SVIL: variants seen among roughly 807,000 people sequenced by gnomAD.
SVIL encodes the protein supervillin.
In SVIL, 101 loss-of-function variants were observed where a neutral mutation model predicts 240.4. The observed-to-expected ratio is 0.42, with a 90% CI of 0.36 to 0.50. The LOEUF (loss-of-function observed/expected upper bound fraction) is 0.50. Ranked by LOEUF, SVIL falls within the 20% of genes least tolerant of loss-of-function variation. SVIL has a pLI of 0.01. For missense variants in SVIL, 2,512 were observed against 2,818.7 expected (o/e 0.89, Z 2.46); for synonymous variants, 999 against 1,100.0 (o/e 0.91, Z 1.82).
intron 1 of SVIL, among the ~76,000 whole-genome samples, chr10:29,574,674 C>A (rs1044491890): frequency 4.6e-5 from 7 of 152,168 alleles, no homozygotes; most frequent in African/African-American, 1.7e-4. Context: ...CTCCCCAGGA[C>A]AACTCCCACA....
chr10:29,712,252 G>A (rs1310186772), intron 1 of SVIL, among the ~76,000 whole-genome samples: 1 of 152,192 alleles, frequency 6.6e-6, no homozygotes, highest in Non-Finnish European at 1.5e-5. Flanking sequence ...CTATGTTGGA[G>A]GCGGTGCCTA....
At chr10:29,464,779 C>T (rs1944696924) in intron 34 of SVIL, among the ~76,000 whole-genome samples, 1 of 148,824 alleles carries the variant, frequency 6.7e-6, no homozygotes, top group South Asian at 2.2e-4. Flanking sequence ...AGATGAGGTC[C>T]CTGGCTGCAG....
At chr10:29,587,139 A>G (rs532160859) in intron 1 of SVIL, among the ~76,000 whole-genome samples, 2 of 152,374 alleles carry the variant, frequency 1.3e-5, no homozygotes, top group African/African-American at 2.4e-5. Flanking sequence ...AAAGCCTCGT[A>G]CCATTCTGTC....
At chr10:29,472,998 G>A (rs1191190688) in intron 30 of SVIL, among the ~76,000 whole-genome samples, 1 of 152,124 alleles carries the variant, frequency 6.6e-6, no homozygotes, top group South Asian at 2.1e-4. Flanking sequence ...CTGTACACAG[G>A]GGTACATACG....
chr10:29,671,186 G>C (rs1291927540), intron 2 of SVIL: 1 of 152,118 alleles, frequency 6.6e-6, no homozygotes, highest in Non-Finnish European at 1.5e-5. Context: ...TTTCATTTTT[G>C]AGAAGTTTTA....
At chr10:29,693,466 G>T (rs1961676675) in intron 1 of SVIL, among the ~76,000 whole-genome samples, 1 of 152,178 alleles carries the variant, frequency 6.6e-6, no homozygotes, top group Non-Finnish European at 1.5e-5. Flanking sequence ...TCATTGGCTG[G>T]TTCTTCAAAT....
intron 1 of SVIL, among the ~76,000 whole-genome samples, chr10:29,703,211 T>G (rs1962649532): frequency 6.6e-6 from 1 of 152,240 alleles, no homozygotes; most frequent in Non-Finnish European, 1.5e-5. Context: ...TTTTCTCTGC[T>G]GTTTTTAAAG....
At chr10:29,685,664 T>C (rs1310618463) in intron 2 of SVIL, among the ~76,000 whole-genome samples, 2 of 152,222 alleles carry the variant, frequency 1.3e-5, no homozygotes, top group African/African-American at 4.8e-5. Flanking sequence ...ATTTCTCTAA[T>C]GATTAGTGAT....
intron 1 of SVIL, among the ~76,000 whole-genome samples, chr10:29,622,225 G>A (rs527434135): frequency 2.8e-5 from 4 of 140,624 alleles, no homozygotes; most frequent in Admixed American, 1.5e-4. Context: ...ACTCCAGCCT[G>A]GGCGACAGAG....
intron 33 of SVIL, among the ~76,000 whole-genome samples, chr10:29,466,268 A>G (rs1235289822): frequency 6.6e-6 from 1 of 151,856 alleles, no homozygotes; most frequent in Non-Finnish European, 1.5e-5. Context: ...CATATATTGT[A>G]TTTTATATAC....
At chr10:29,655,990 C>T (rs1302504264) in intron 3 of SVIL, among the ~76,000 whole-genome samples, 1 of 151,392 alleles carries the variant, frequency 6.6e-6, no homozygotes. Flanking sequence ...CCTGCCTCAG[C>T]CTCCCGAGTA....
intron 3 of SVIL, among the ~76,000 whole-genome samples, chr10:29,557,047 A>G (rs200804663): frequency 1.3e-5 from 2 of 151,990 alleles, no homozygotes; most frequent in East Asian, 3.9e-4. Context: ...TAGCATAATC[A>G]CATCCCCTCC....
At chr10:29,589,276 C>T (rs1956293953) in intron 1 of SVIL, among the ~76,000 whole-genome samples, 1 of 152,166 alleles carries the variant, frequency 6.6e-6, no homozygotes, top group Admixed American at 6.5e-5. Context: ...GGCCTCGACA[C>T]TGAAGCACTC....
chr10:29,498,184 G>A (rs1334181911), intron 18 of SVIL, among the ~76,000 whole-genome samples: 4 of 151,208 alleles, frequency 2.6e-5, no homozygotes, highest in Non-Finnish European at 5.9e-5. Context: ...TTGGGAGGTC[G>A]AAGCGGGTGG....
rs1951470176 is a variant in SVIL at position 29,532,814 on chromosome 10, T to C, written c.1553A>G (p.Tyr518Cys). Residue 518 changes from tyrosine to cysteine, a missense_variant, in exon 8 of 38, where the codon TAC (tyrosine) becomes TGC (cysteine). Physicochemically the swap from Tyr to Cys is radical, Grantham distance 194 (BLOSUM62 -2). Transcript: ENST00000355867. ...ERTGRSEMVL[Y>C]IQSEPVSQDA... ...TTGGGACACAGGCTCACTTTGAATG[T>C]AGAGAACCATCTCGCTCCTGCCTGT... The C allele has an allele frequency of 1.2e-6, 2 of 1,614,024 alleles. No individual in the cohort carries two copies. Among genetic ancestry groups the C allele is most frequent in the African/African-American group, 1.3e-5 (1 of 74,892 alleles).
intron 3 of SVIL, among the ~76,000 whole-genome samples, chr10:29,650,590 G>T (rs558822765): frequency 2.0e-5 from 3 of 152,090 alleles, no homozygotes; most frequent in African/African-American, 7.2e-5. Context: ...ATTAATAAAT[G>T]CATATATAAT....
intron 33 of SVIL, among the ~76,000 whole-genome samples, chr10:29,466,195 A>G (rs1944894721): frequency 6.6e-6 from 1 of 151,470 alleles, no homozygotes; most frequent in Non-Finnish European, 1.5e-5. Context: ...AGATATATGT[A>G]TGTGTATATC....
At chr10:29,574,713 C>A (rs73596056) in intron 1 of SVIL, among the ~76,000 whole-genome samples, 1 of 152,146 alleles carries the variant, frequency 6.6e-6, no homozygotes, top group Non-Finnish European at 1.5e-5. Context: ...ACAAGAGAAC[C>A]GGGGCCACTG....
chr10:29,554,915 G>A lies in SVIL; in HGVS notation c.28C>T (p.Arg10Cys), dbSNP rs761823710. The change falls in exon 5 of 38, where the codon CGC becomes TGC. Residue 10 changes from arginine (R) to cysteine (C), a missense_variant. Transcript: ENST00000355867. ...GTGTCATTTTCAATCCCTTCCAGGC[G>A]CCTGGCAATTCTTTCTTTTCTGTGA... is the stretch of plus-strand genomic sequence containing the variant. MKRKERIARRLEGIENDTQP... is the reference protein window; with the variant it reads MKRKERIARCLEGIENDTQP... 27 of 1,611,638 alleles carry A rather than the reference G, an allele frequency of 1.7e-5. No homozygotes were observed. The Middle Eastern group carries it at 8.2e-4, about 49-fold the overall frequency.
Sources: allele counts gnomAD v4.1 joint callset (sites outside exome capture counted in the v4.1 genomes callset), GRCh38; gene constraint gnomAD v4.1.1; transcripts MANE v1.5; gene names NCBI Gene and HGNC (gene_info 2026-07-23, HGNC 2026-07-21).